BIK: variants seen among roughly 807,000 people sequenced by gnomAD.
The protein encoded by BIK is bcl-2-interacting killer.
Under a neutral mutation model 12.1 loss-of-function variants are expected in BIK, and 14 were observed. That is an observed-to-expected ratio of 1.16 (90% CI 0.77 to 1.81). BIK has a LOEUF of 1.81. BIK is among the 40% of genes most tolerant of loss of function. The pLI is 0.00. For synonymous variants in BIK, 86 were observed against 92.3 expected, an observed-to-expected ratio of 0.93 and a Z score of 0.39; for missense variants, 215 against 207.9, an observed-to-expected ratio of 1.03 and a Z score of -0.21.
intron 1 of BIK, among the ~76,000 whole-genome samples, chr22:43,123,291 C>T (rs1425871491): frequency 1.3e-5 from 2 of 152,192 alleles, no homozygotes; most frequent in Admixed American, 6.5e-5. Flanking sequence ...CACCAAAGAA[C>T]AGGTGTAGCC....
chr22:43,114,960 G>A (rs1055894897), intron 1 of BIK, among the ~76,000 whole-genome samples: 1 of 152,170 alleles, frequency 6.6e-6, no homozygotes, highest in South Asian at 2.1e-4. Context: ...GCCTGCCATC[G>A]TGAGCCCAGC....
rs554633639 is a variant in BIK at position 43,118,343 on chromosome 22, T to C, written c.-7-5673T>C. Among the ~76,000 whole-genome samples, 652 of 152,290 alleles carry C rather than the reference T, an allele frequency of 4.3e-3. 1 individual carries two copies. The highest frequency in any genetic ancestry group is 7.6e-3 in the Non-Finnish European group (517 of 68,026). ...AAGGCTGTTGATTGTGTTAACCAGC[T>C]TTTATGGAGCCCCTGCTAGGTGGTG... On this transcript the variant is annotated intron_variant, in intron 1 of 4. Coordinates refer to ENST00000216115, the MANE Select transcript of BIK (RefSeq NM_001197.5).
chr22:43,127,595 T>C lies in BIK; in HGVS notation c.162-102T>C. 5.7e-6 allele frequency: 6 copies of C among 1,052,556 alleles called. No homozygotes were observed. In the South Asian group the frequency reaches 9.0e-5, roughly 16 times the overall value. 65.2% of individuals were successfully genotyped at this position (1,052,556 alleles called of 1,614,324 possible). ...AAATCTGACACCATCTCTTATCCTC[T>C]GGGCCACTCCCAGCTGCACACAATC... On this transcript the variant is annotated intron_variant, in intron 2 of 4. Transcript: ENST00000216115.
chr22:43,124,188 GT>G lies in BIK; in HGVS notation c.161+6del. 1 of 1,613,818 alleles carries G rather than the reference GT, an allele frequency of 6.2e-7. No homozygotes were observed. Among genetic ancestry groups the G allele is most frequent in the South Asian group, 1.1e-5 (1 of 91,056 alleles). On this transcript the variant is annotated splice_donor_region_variant and intron_variant, in intron 2 of 4. Coordinates refer to ENST00000216115, the MANE Select transcript of BIK (RefSeq NM_001197.5). ...TTTGGAATGCATGGAGGGCAGGTAG[GT>G]CCCCATGGCCTGCCCTACCCCCTGC...
intron 1 of BIK, among the ~76,000 whole-genome samples, chr22:43,122,011 G>A (rs532333147): frequency 1.1e-4 from 16 of 152,330 alleles, no homozygotes; most frequent in East Asian, 1.9e-4. Context: ...GATTACAGGC[G>A]TGAGCCACCG....
At chr22:43,126,576 G>A (rs1208705337) in intron 2 of BIK, among the ~76,000 whole-genome samples, 1 of 152,124 alleles carries the variant, frequency 6.6e-6, no homozygotes, top group Non-Finnish European at 1.5e-5. Context: ...CCCTGAGCCT[G>A]GAAGAGAATG....
intron 2 of BIK, among the ~76,000 whole-genome samples, chr22:43,126,108 T>A (rs1016227820): frequency 4.7e-5 from 7 of 148,358 alleles, no homozygotes; most frequent in African/African-American, 7.5e-5. Context: ...CACTGCAACC[T>A]CCACCTCCCG....
chr22:43,126,026 G>A (rs188229399), intron 2 of BIK, among the ~76,000 whole-genome samples: 1,622 of 138,970 alleles, frequency 0.012, 31 homozygotes, highest in African/African-American at 0.039. Flanking sequence ...GGAAGGACCT[G>A]CACTTTTTTT....
In BIK at chr22:43,117,416, C is replaced by T. The variant is rs184599500; in HGVS notation, c.-7-6600C>T. Among the ~76,000 whole-genome samples, 29 of 150,818 alleles carry T rather than the reference C, an allele frequency of 1.9e-4. 1 individual carries two copies. The highest frequency in any genetic ancestry group is 7.8e-4 in the East Asian group (4 of 5,158). On this transcript the variant is annotated intron_variant, in intron 1 of 4. Transcript: ENST00000216115. ...GACAGTCTCACTCTGTCGCCCAGAC[C>T]GGAGTGTGGTGGCATGATCTCGGCT...
chr22:43,122,636 CATG>C (rs1183019411), intron 1 of BIK, among the ~76,000 whole-genome samples: 1 of 152,160 alleles, frequency 6.6e-6, no homozygotes, highest in Non-Finnish European at 1.5e-5. Context: ...TCTCTGCCAT[CATG>C]ATGAAACATG....
intron 1 of BIK, among the ~76,000 whole-genome samples, chr22:43,111,392 G>C (rs1285592972): frequency 1.3e-5 from 2 of 152,218 alleles, no homozygotes; most frequent in Non-Finnish European, 2.9e-5. Context: ...GCAGCCGCCC[G>C]CCCTCGCTTG....
chr22:43,111,313 G>A (rs1930006256), intron 1 of BIK, among the ~76,000 whole-genome samples: 1 of 152,200 alleles, frequency 6.6e-6, no homozygotes. Flanking sequence ...CCTGAGGAAG[G>A]GCCGAGGAAA....
At chr22:43,121,567 T>A (rs1411163471) in intron 1 of BIK, among the ~76,000 whole-genome samples, 11 of 152,108 alleles carry the variant, frequency 7.2e-5, no homozygotes, top group Non-Finnish European at 1.6e-4. Flanking sequence ...GAGGTTCCAC[T>A]GTTGCTCTGG....
At chr22:43,113,072 CGT>C (rs1024555141) in intron 1 of BIK, among the ~76,000 whole-genome samples, 15 of 152,132 alleles carry the variant, frequency 9.9e-5, no homozygotes, top group South Asian at 2.1e-4. Flanking sequence ...GTCGTGGTGG[CGT>C]GTGTCTGTAA....
intron 1 of BIK, among the ~76,000 whole-genome samples, chr22:43,114,843 G>T (rs975855312): frequency 6.6e-6 from 1 of 152,220 alleles, no homozygotes; most frequent in Non-Finnish European, 1.5e-5. Flanking sequence ...TACCATGCAT[G>T]CAGCATTTCA....
rs927564155 is a variant in BIK at position 43,124,296 on chromosome 22, C to T, written c.161+113C>T. 4 of 1,279,956 alleles carry T rather than the reference C, an allele frequency of 3.1e-6. No homozygotes were observed. In the African/African-American group the frequency reaches 4.5e-5, roughly 14 times the overall value. 79.3% of individuals were successfully genotyped at this position (1,279,956 alleles called of 1,614,324 possible). On this transcript the variant is annotated intron_variant, in intron 2 of 4. Coordinates refer to ENST00000216115, the MANE Select transcript of BIK (RefSeq NM_001197.5). ...GCCTGCAGATGCCTCCCAGGCAGGG[C>T]CTCCGAGAGGAAGATTTCCCGGATG...
chr22:43,112,945 T>C (rs1930039086), intron 1 of BIK, among the ~76,000 whole-genome samples: 1 of 152,130 alleles, frequency 6.6e-6, no homozygotes, highest in African/African-American at 2.4e-5. Flanking sequence ...GGCTCACATT[T>C]GTAATCCTAG....
intron 2 of BIK, among the ~76,000 whole-genome samples, chr22:43,125,074 C>T (rs2147024582): frequency 6.6e-6 from 1 of 152,266 alleles, no homozygotes; most frequent in Non-Finnish European, 1.5e-5. Context: ...AGGGCAACTT[C>T]CTGACGTTGC....
intron 3 of BIK, 108 bp from the exon 4 acceptor site, chr22:43,128,388 G>A (rs1305770722): frequency 2.1e-6 from 3 of 1,414,210 alleles, no homozygotes; most frequent in African/African-American, 2.8e-5. Context: ...TGGGGTGGGA[G>A]GGCACAGGCC....
Sources: allele counts gnomAD v4.1 joint callset (sites outside exome capture counted in the v4.1 genomes callset), GRCh38; gene constraint gnomAD v4.1.1; transcripts MANE v1.5; gene names NCBI Gene and HGNC (gene_info 2026-07-23, HGNC 2026-07-21).